The following GTF3C1 variants were observed in gnomAD, a reference collection of about 807,000 sequenced individuals.
GTF3C1 encodes the protein general transcription factor IIIC subunit 1.
GTF3C1 carries 57 observed loss-of-function variants against 226.7 expected under a neutral mutation model. The ratio of observed to expected loss-of-function variants is 0.25; its 90% CI spans 0.20 to 0.31. GTF3C1 has a LOEUF of 0.31. GTF3C1 is among the 10% of genes least tolerant of loss of function. GTF3C1 has a pLI of 1.00. For missense variants in GTF3C1, 2,217 were observed against 2,776.1 expected, an observed-to-expected ratio of 0.80 and a Z score of 4.53; for synonymous variants, 1,090 against 1,084.8, an observed-to-expected ratio of 1.00 and a Z score of -0.09.
intron 6 of GTF3C1, among the ~76,000 whole-genome samples, chr16:27,523,444 T>G (rs1302920247): frequency 6.6e-6 from 1 of 151,982 alleles, no homozygotes; most frequent in African/African-American, 2.4e-5. Flanking sequence ...TCATCTTTAT[T>G]TATTATTTGA....
rs952894702 is a variant in GTF3C1, at chr16:27,461,497, G to C, written c.6183C>G (p.Phe2061Leu). 1.2e-6 allele frequency: 2 copies of C among 1,613,998 alleles called. No individual in the cohort carries two copies. The highest frequency in any genetic ancestry group is 2.7e-5 in the African/African-American group (2 of 75,050). Residue 2061 changes from phenylalanine (F) to leucine (L), a missense_variant, in exon 37 of 37, where the codon TTC becomes TTG. This residue lies in a region of GTF3C1 where 153 missense variants were observed against 199.8 expected (regional missense o/e 0.77). Coordinates refer to ENST00000356183, the MANE Select transcript of GTF3C1 (RefSeq NM_001520.4). The surrounding 1 kb of genome is among the most constrained non-coding windows in gnomAD (Gnocchi z 5.3). ...WLRKPRPVSL[F>L]STPVVEEVEV... ...CCACCTCTTCCACCACGGGTGTAGAGAAGAGCGAGACAGGCCTTGGCTTTC... is the reference window on the plus strand; with the variant it reads ...CCACCTCTTCCACCACGGGTGTAGACAAGAGCGAGACAGGCCTTGGCTTTC...
chr16:27,527,472 C>T (rs531129540), intron 6 of GTF3C1, among the ~76,000 whole-genome samples: 73 of 152,214 alleles, frequency 4.8e-4, no homozygotes, highest in African/African-American at 1.7e-3. Flanking sequence ...CGTGAGCCAC[C>T]GTGCCCAGAC....
Position 27,488,321 on chromosome 16 carries a change from C to A in GTF3C1, c.3606G>T (p.Ser1202=), listed in dbSNP as rs573699596. The change falls in exon 23 of 37, where the codon TCG becomes TCT. Residue 1202 remains serine, a synonymous_variant. Transcript: ENST00000356183. ...CCCTCACTCTCCGGTTTCGGTCCAGCGAGGGCTCTCGGTCCACCTCAAACT... is the reference window on the plus strand; with the variant it reads ...CCCTCACTCTCCGGTTTCGGTCCAGAGAGGGCTCTCGGTCCACCTCAAACT... ...EEQFEVDREP[S]LDRNRRVRGG... 4 of 1,614,168 alleles carry A rather than the reference C, an allele frequency of 2.5e-6. No homozygotes were observed. The Admixed American group carries it at 5.0e-5, about 20-fold the overall frequency.
intron 28 of GTF3C1, among the ~76,000 whole-genome samples, chr16:27,477,901 G>A (rs1297275939): frequency 6.6e-6 from 1 of 152,204 alleles, no homozygotes; most frequent in East Asian, 1.9e-4. Flanking sequence ...CAGGAGTGGT[G>A]GCTTACGCCT....
Position 27,483,017 on chromosome 16 carries a change from CAAGCCCT to C in GTF3C1, c.4083+20_4083+26del. ...AGCTGCCCCAATCTCCCAAGCATAC[CAAGCCCT>C]ACACTCACACAGGACCTACCTTTGG... On this transcript the variant is annotated intron_variant, in intron 26 of 36. Transcript: ENST00000356183. The C allele has an allele frequency of 6.2e-7, 1 of 1,601,890 alleles. No individual in the cohort carries two copies. The highest frequency in any genetic ancestry group is 8.6e-7 in the Non-Finnish European group (1 of 1,169,236).
intron 2 of GTF3C1, among the ~76,000 whole-genome samples, chr16:27,544,268 TCCCAGCTA>T (rs1261408120): frequency 6.6e-6 from 1 of 151,806 alleles, no homozygotes; most frequent in African/African-American, 2.4e-5. Context: ...GCGCCTGTGG[TCCCAGCTA>T]CTCAGGTGGA....
intron 6 of GTF3C1, among the ~76,000 whole-genome samples, chr16:27,513,514 G>A (rs769883579): frequency 4.6e-5 from 7 of 152,136 alleles, no homozygotes; most frequent in African/African-American, 7.2e-5. Context: ...TAGGATCAGC[G>A]TGAGAGACTG....
rs1303659384 is a variant in GTF3C1, at chr16:27,473,303, T to C, written c.4354-1383A>G. Among the ~76,000 whole-genome samples, 4 of 152,362 alleles carry C rather than the reference T, an allele frequency of 2.6e-5. No individual in the cohort carries two copies. The East Asian group carries it at 7.7e-4, about 29-fold the overall frequency. ...TCATGGCTCAGCCTGCTAAGTCTCA[T>C]GGACCTGGGCCCCGCCTAGTGAACA... On this transcript the variant is annotated intron_variant, in intron 29 of 36. Coordinates refer to ENST00000356183, the MANE Select transcript of GTF3C1 (RefSeq NM_001520.4).
chr16:27,462,648 G>A lies in GTF3C1; in HGVS notation c.5925-162C>T. 1.6e-6 allele frequency: 1 copy of A among 609,786 alleles called. No individual in the cohort carries two copies. Among genetic ancestry groups the A allele is most frequent in the South Asian group, 2.0e-5 (1 of 50,622 alleles). 37.8% of individuals were successfully genotyped at this position (609,786 alleles called of 1,614,324 possible). On this transcript the variant is annotated intron_variant, in intron 35 of 36. Coordinates refer to ENST00000356183, the MANE Select transcript of GTF3C1 (RefSeq NM_001520.4). This position sits in a 1 kb window ranked among gnomAD's most constrained non-coding sequence, Gnocchi z 4.5. ...TTTCCAAACTCCCTGCTTCTCTCCT[G>A]TCTGGACAGAGGGGCCCTTGACCGC...
intron 6 of GTF3C1, among the ~76,000 whole-genome samples, chr16:27,515,848 C>CT (rs1405872922): frequency 4.6e-5 from 7 of 152,236 alleles, no homozygotes; most frequent in Non-Finnish European, 8.8e-5. Context: ...CCAGCACTTG[C>CT]TGGGAGCCAG....
At chr16:27,527,634 A>G (rs1596654007) in intron 6 of GTF3C1, among the ~76,000 whole-genome samples, 2 of 152,330 alleles carry the variant, frequency 1.3e-5, no homozygotes, top group Admixed American at 1.3e-4. Context: ...AAATGGTGAC[A>G]ATGCCACCAA....
At chr16:27,502,204 G>A (rs1596638151) in intron 11 of GTF3C1, among the ~76,000 whole-genome samples, 1 of 152,250 alleles carries the variant, frequency 6.6e-6, no homozygotes, top group Admixed American at 6.5e-5. Context: ...GTGTGCAGAT[G>A]GTCCCTACCC....
At chr16:27,524,469 C>T (rs970146520) in intron 6 of GTF3C1, among the ~76,000 whole-genome samples, 1 of 152,126 alleles carries the variant, frequency 6.6e-6, no homozygotes, top group African/African-American at 2.4e-5. Context: ...ACTATTACCC[C>T]CTAGATAATT....
intron 29 of GTF3C1, 118 bp downstream of exon 29, chr16:27,476,333 C>T: frequency 4.8e-6 from 3 of 625,546 alleles, no homozygotes; most frequent in South Asian, 3.8e-5. Flanking sequence ...TGTGGGCTGG[C>T]ATTTTGGGGG....
chr16:27,541,481 G>A (rs769478211), intron 2 of GTF3C1, among the ~76,000 whole-genome samples: 3 of 152,172 alleles, frequency 2.0e-5, no homozygotes, highest in Admixed American at 6.5e-5. Flanking sequence ...GAGACATAGC[G>A]GTGAACAAGA....
chr16:27,470,026 G>T lies in GTF3C1; in HGVS notation c.4814+82C>A. On this transcript the variant is annotated intron_variant, in intron 31 of 36. Coordinates refer to ENST00000356183, the MANE Select transcript of GTF3C1 (RefSeq NM_001520.4). This position sits in a 1 kb window ranked among gnomAD's most constrained non-coding sequence, Gnocchi z 4.9. ...CTCCCATCCCACAAGCTCCCAGAAG[G>T]CACTGCTGACCCCTGCCCGTCTGTA... The T allele has an allele frequency of 1.8e-6, 2 of 1,103,664 alleles. No individual in the cohort carries two copies. The highest frequency in any genetic ancestry group is 2.7e-6 in the Non-Finnish European group (2 of 753,838). The allele number at this position is 1,103,664 out of a possible 1,614,324, so 68.4% of individuals were successfully genotyped here. A position where few individuals can be genotyped will look rare whatever the true frequency, so the allele number is the denominator to read the frequency against.
chr16:27,514,186 T>C (rs1184254748), intron 6 of GTF3C1, among the ~76,000 whole-genome samples: 1 of 152,234 alleles, frequency 6.6e-6, no homozygotes, highest in Non-Finnish European at 1.5e-5. Flanking sequence ...CCCCAGGGCA[T>C]GGCTTTTCAT....
chr16:27,536,345 C>A (rs1209482159), intron 4 of GTF3C1, among the ~76,000 whole-genome samples: 1 of 152,152 alleles, frequency 6.6e-6, no homozygotes, highest in Non-Finnish European at 1.5e-5. Flanking sequence ...GTAATCCCAG[C>A]ACTTTGGGAG....
At chr16:27,488,497 T>A (rs2088178138) in intron 22 of GTF3C1, 57 bp downstream of exon 22, 26 of 1,559,986 alleles carry the variant, frequency 1.7e-5, no homozygotes, top group Non-Finnish European at 2.3e-5. Flanking sequence ...AGGGTAGTCG[T>A]TTAGGCCCTG....
Sources: gnomAD v4.1 joint callset for allele counts (sites outside exome capture counted in the v4.1 genomes callset) on GRCh38, gnomAD v4.1.1 for gene constraint, gnomAD v4.1.1 regional missense constraint, Gnocchi (gnomAD v3.1) non-coding constraint, MANE v1.5 for transcripts, NCBI Gene and HGNC (gene_info 2026-07-23, HGNC 2026-07-21) for gene names.